MPPED1: variants seen among roughly 807,000 people sequenced by gnomAD.
MPPED1 encodes metallophosphoesterase domain-containing protein 1.
A neutral mutation model predicts 36.2 loss-of-function variants in MPPED1; 16 were observed. That is an observed-to-expected ratio of 0.44 (90% CI 0.30 to 0.67). MPPED1 has a LOEUF of 0.67. MPPED1 is among the 30% of genes least tolerant of loss of function. The pLI, the probability that MPPED1 is intolerant of heterozygous loss-of-function variation, is 0.10. For synonymous variants in MPPED1, 199 were observed against 191.3 expected, an observed-to-expected ratio of 1.04 and a Z score of -0.33; for missense variants, 307 against 453.4, an observed-to-expected ratio of 0.68 and a Z score of 2.93.
intron 4 of MPPED1, among the ~76,000 whole-genome samples, chr22:43,481,697 C>G (rs1931754837): frequency 6.6e-6 from 1 of 152,162 alleles, no homozygotes; most frequent in African/African-American, 2.4e-5. Context: ...GTGCTGCTCT[C>G]TCTAAAGCAA....
chr22:43,476,825 G>C (rs753692503), intron 4 of MPPED1, among the ~76,000 whole-genome samples: 1 of 152,144 alleles, frequency 6.6e-6, no homozygotes, highest in Non-Finnish European at 1.5e-5. Flanking sequence ...ACAAGGAGAG[G>C]AGGGGAGGTG....
At chr22:43,472,494 G>C (rs1381834195) in intron 3 of MPPED1, among the ~76,000 whole-genome samples, 1 of 152,232 alleles carries the variant, frequency 6.6e-6, no homozygotes, top group African/African-American at 2.4e-5. Context: ...GAGTGGGTCT[G>C]GGATCCAGGC....
intron 4 of MPPED1, among the ~76,000 whole-genome samples, chr22:43,497,258 C>T (rs896852516): frequency 1.3e-5 from 2 of 151,972 alleles, no homozygotes; most frequent in African/African-American, 2.4e-5. Context: ...ATAAAGGGCC[C>T]ATTCTTGTGG....
At chr22:43,457,898 T>G (rs1423009218) in intron 3 of MPPED1, among the ~76,000 whole-genome samples, 1 of 152,264 alleles carries the variant, frequency 6.6e-6, no homozygotes, top group African/African-American at 2.4e-5. Context: ...ATGTGCTGTG[T>G]AATGATGTTT....
chr22:43,440,684 T>C (rs1357185948), intron 3 of MPPED1, among the ~76,000 whole-genome samples: 1 of 152,026 alleles, frequency 6.6e-6, no homozygotes, highest in Non-Finnish European at 1.5e-5. Context: ...ACAGGAAGCC[T>C]GCAGCCTCCG....
rs111660764 is a variant in MPPED1, at chr22:43,479,689, C to A, written c.632+4728C>A. Among the ~76,000 whole-genome samples the A allele has an allele frequency of 2.0e-3, 302 of 152,330 alleles. 5 individuals are homozygous for A. The highest frequency in any genetic ancestry group is 6.8e-3 in the African/African-American group (281 of 41,580). ...AAATTCCCCCTTAAGCAGAGGGATG[C>A]ATGGACCCATTCCCAGGAGGTCCTC... On this transcript the variant is annotated intron_variant, in intron 4 of 6. Transcript: ENST00000443721.
chr22:43,488,708 G>T (rs755704463), intron 4 of MPPED1, among the ~76,000 whole-genome samples: 2 of 152,224 alleles, frequency 1.3e-5, no homozygotes, highest in African/African-American at 2.4e-5. Context: ...AGGAAAATTT[G>T]CTCTGGTTGT....
intron 4 of MPPED1, among the ~76,000 whole-genome samples, chr22:43,497,935 G>GTGTATATATA (rs1555904573): frequency 4.7e-5 from 6 of 128,360 alleles, no homozygotes; most frequent in African/African-American, 1.7e-4. Context: ...ATATGTATAT[G>GTGTATATATA]TATATATATA....
intron 4 of MPPED1, among the ~76,000 whole-genome samples, chr22:43,496,154 GTGGTGGTGGAGGTGGTGA>G (rs1932336464): frequency 3.5e-5 from 4 of 115,718 alleles, no homozygotes; most frequent in Admixed American, 7.8e-5. Flanking sequence ...GGTGGAGGTG[GTGGTGGTGGAGGTGGTGA>G]TGGTGGAGGT....
chr22:43,415,852 A>G (rs1929060893), intron 1 of MPPED1, among the ~76,000 whole-genome samples: 1 of 152,178 alleles, frequency 6.6e-6, no homozygotes, highest in Non-Finnish European at 1.5e-5. Context: ...TCCTTCCAAG[A>G]AGGATGTGAG....
chr22:43,466,735 A>G (rs1195444728), intron 3 of MPPED1, among the ~76,000 whole-genome samples: 1 of 152,132 alleles, frequency 6.6e-6, no homozygotes, highest in African/African-American at 2.4e-5. Context: ...ACAGTTAGGG[A>G]CAGCCCTCAT....
At chr22:43,491,175 C>G (rs1932070052) in intron 4 of MPPED1, among the ~76,000 whole-genome samples, 2 of 152,096 alleles carry the variant, frequency 1.3e-5, no homozygotes, top group Non-Finnish European at 2.9e-5. Flanking sequence ...TGCTGTAGGC[C>G]AAAGGTTTTT....
At chr22:43,438,140 G>A (rs1255695214) in intron 3 of MPPED1, among the ~76,000 whole-genome samples, 1 of 152,204 alleles carries the variant, frequency 6.6e-6, no homozygotes, top group Non-Finnish European at 1.5e-5. Flanking sequence ...CGAGGGGACG[G>A]TGGCTTCATA....
intron 2 of MPPED1, among the ~76,000 whole-genome samples, chr22:43,425,791 T>G (rs1929447481): frequency 6.6e-6 from 1 of 152,222 alleles, no homozygotes; most frequent in Non-Finnish European, 1.5e-5. Context: ...GCAGAGATGC[T>G]TTTCCAAAAG....
chr22:43,467,849 A>T (rs1204803757), intron 3 of MPPED1, among the ~76,000 whole-genome samples: 1 of 152,218 alleles, frequency 6.6e-6, no homozygotes, highest in Non-Finnish European at 1.5e-5. Flanking sequence ...AATGGCATCG[A>T]TGGTGGAGAA....
intron 3 of MPPED1, among the ~76,000 whole-genome samples, chr22:43,445,205 G>A (rs1034967249): frequency 1.3e-5 from 2 of 152,158 alleles, no homozygotes; most frequent in South Asian, 4.1e-4. Flanking sequence ...TGTGTGGAAG[G>A]ACCTTGGTAA....
intron 3 of MPPED1, among the ~76,000 whole-genome samples, chr22:43,464,591 T>C (rs1931096600): frequency 6.6e-6 from 1 of 152,090 alleles, no homozygotes; most frequent in Non-Finnish European, 1.5e-5. Context: ...TTTGTGGGGA[T>C]GAGAGGCAAA....
At chr22:43,457,133 A>G (rs950451378) in intron 3 of MPPED1, among the ~76,000 whole-genome samples, 5 of 152,168 alleles carry the variant, frequency 3.3e-5, no homozygotes, top group African/African-American at 9.7e-5. Flanking sequence ...ACTGAGCTGG[A>G]AAGTGTTTTC....
intron 3 of MPPED1, among the ~76,000 whole-genome samples, chr22:43,438,859 C>G (rs1025058708): frequency 6.6e-6 from 1 of 152,188 alleles, no homozygotes; most frequent in Admixed American, 6.5e-5. Context: ...GGCGGGAGAC[C>G]TTTGCACACC....
Sources: allele counts gnomAD v4.1 joint callset (sites outside exome capture counted in the v4.1 genomes callset), GRCh38; gene constraint gnomAD v4.1.1; transcripts MANE v1.5; gene names NCBI Gene and HGNC (gene_info 2026-07-23, HGNC 2026-07-21).